Variants in RIN2 observed in about 807,000 individuals in gnomAD.
The protein encoded by RIN2 is RAB5 interacting protein 2.
A neutral mutation model predicts 78.0 loss-of-function variants in RIN2; 36 were observed. That is an observed-to-expected ratio of 0.46 (90% CI 0.35 to 0.61). The LOEUF (loss-of-function observed/expected upper bound fraction) is 0.61. Among genes scored for constraint, RIN2 ranks in the 20% least tolerant of loss-of-function variants. The pLI is 0.00. For synonymous variants in RIN2, 466 were observed against 466.8 expected, an observed-to-expected ratio of 1.00 and a Z score of 0.02; for missense variants, 1,087 against 1,159.7, an observed-to-expected ratio of 0.94 and a Z score of 0.91.
chr20:19,909,936 G>A (rs1427659279), intron 3 of RIN2, among the ~76,000 whole-genome samples: 2 of 152,262 alleles, frequency 1.3e-5, no homozygotes, highest in South Asian at 2.1e-4. Context: ...GCAGGAAAAG[G>A]TGGGGCCCCT....
intron 12 of RIN2, among the ~76,000 whole-genome samples, chr20:19,998,346 C>G (rs2043036569): frequency 6.6e-6 from 1 of 151,934 alleles, no homozygotes; most frequent in African/African-American, 2.4e-5. Flanking sequence ...GCCTGTAATC[C>G]CAGCACCTTA....
intron 2 of RIN2, among the ~76,000 whole-genome samples, chr20:19,860,543 G>A (rs1057257921): frequency 3.3e-5 from 5 of 152,016 alleles, no homozygotes; most frequent in South Asian, 2.1e-4. Flanking sequence ...TACTCGTCTC[G>A]AACTCCTGAC....
chr20:19,988,451 T>A (rs968937563), intron 9 of RIN2, among the ~76,000 whole-genome samples: 2 of 152,192 alleles, frequency 1.3e-5, no homozygotes, highest in African/African-American at 4.8e-5. Context: ...TATATGTAAG[T>A]GGACCCATTG....
At chr20:19,996,541 C>A in intron 11 of RIN2, 138 bp from the exon 12 acceptor site, 1 of 813,650 alleles carries the variant, frequency 1.2e-6, no homozygotes, top group South Asian at 1.7e-5. Flanking sequence ...TGGGTGTGTG[C>A]TTCTGTGATC....
chr20:19,838,068 AGATT>A, intron 2 of RIN2, among the ~76,000 whole-genome samples: 1 of 152,228 alleles, frequency 6.6e-6, no homozygotes, highest in Non-Finnish European at 1.5e-5. Flanking sequence ...AATTATCCTC[AGATT>A]TTAGTTAAAA....
chr20:19,965,605 GT>G (rs778666594), intron 7 of RIN2, among the ~76,000 whole-genome samples: 37 of 152,022 alleles, frequency 2.4e-4, no homozygotes, highest in Non-Finnish European at 5.0e-4. Context: ...TCCAAAATCA[GT>G]TTTTTGTTTT....
intron 3 of RIN2, among the ~76,000 whole-genome samples, chr20:19,922,616 C>G (rs995829810): frequency 6.6e-6 from 1 of 152,116 alleles, no homozygotes; most frequent in African/African-American, 2.4e-5. Context: ...GTAGGAGTAC[C>G]ACGTGCTCCA....
chr20:19,831,966 TAAC>T (rs1356184114), intron 2 of RIN2, among the ~76,000 whole-genome samples: 2 of 152,100 alleles, frequency 1.3e-5, no homozygotes, highest in African/African-American at 4.8e-5. Flanking sequence ...CAATGAATAA[TAAC>T]AATTATAATA....
intron 3 of RIN2, among the ~76,000 whole-genome samples, chr20:19,890,378 TTTCA>T (rs2038393349): frequency 6.6e-6 from 1 of 152,194 alleles, no homozygotes; most frequent in East Asian, 1.9e-4. Flanking sequence ...CTTTGTTTCC[TTTCA>T]TTCACCCTCG....
At chr20:19,968,221 C>T (rs1168806034) in intron 7 of RIN2, among the ~76,000 whole-genome samples, 4 of 152,200 alleles carry the variant, frequency 2.6e-5, no homozygotes, top group Non-Finnish European at 4.4e-5. Context: ...ACACGAGTTA[C>T]GGTGCCTGCT....
chr20:19,771,684 G>T (rs1209530365), intron 1 of RIN2, among the ~76,000 whole-genome samples: 1 of 152,098 alleles, frequency 6.6e-6, no homozygotes, highest in South Asian at 2.1e-4. Flanking sequence ...GTGAAGGAGA[G>T]TTTGGGGAAC....
intron 3 of RIN2, among the ~76,000 whole-genome samples, chr20:19,924,395 CTTCATACCCCACCTCTTCATAACCCTACT>C (rs2040102573): frequency 3.7e-5 from 1 of 27,372 alleles, no homozygotes; most frequent in Non-Finnish European, 5.9e-5. Flanking sequence ...TACCCCACCT[CTTCATACCCCACCTCTTCATAACCCTACT>C]TTCATACCCC....
chr20:19,844,698 CTCTTCTTCTTCTTCT>C (rs869169793), intron 2 of RIN2, among the ~76,000 whole-genome samples: 3,038 of 25,668 alleles, frequency 0.12, 132 homozygotes, highest in Non-Finnish European at 0.14. Flanking sequence ...CTTCCTCTTC[CTCTTCTTCTTCTTCT>C]TCTTCTTCTT....
At chr20:19,851,466 T>TA (rs1292366083) in intron 2 of RIN2, among the ~76,000 whole-genome samples, 1 of 152,138 alleles carries the variant, frequency 6.6e-6, no homozygotes, top group Non-Finnish European at 1.5e-5. Flanking sequence ...CTCAAGCCTG[T>TA]AATCCCAGCA....
At chr20:19,898,722 A>G (rs1214921762) in intron 3 of RIN2, among the ~76,000 whole-genome samples, 1 of 152,244 alleles carries the variant, frequency 6.6e-6, no homozygotes, top group African/African-American at 2.4e-5. Context: ...TTAATACCAC[A>G]TAAGTCAAAC....
chr20:19,776,656 C>T (rs985818738), intron 1 of RIN2, among the ~76,000 whole-genome samples: 5 of 151,626 alleles, frequency 3.3e-5, no homozygotes, highest in Non-Finnish European at 7.4e-5. Flanking sequence ...TGCTTGAACC[C>T]AGGAGGTGGA....
At chr20:19,943,975 CTTTTTTTTTT>C (rs58524523) in intron 4 of RIN2, among the ~76,000 whole-genome samples, 5 of 95,878 alleles carry the variant, frequency 5.2e-5, no homozygotes, top group Non-Finnish European at 7.9e-5. Flanking sequence ...TTTCAATATC[CTTTTTTTTTT>C]TTTTTTTTTT....
At chr20:19,844,595 T>TGCC (rs1377675880) in intron 2 of RIN2, among the ~76,000 whole-genome samples, 1 of 58,404 alleles carries the variant, frequency 1.7e-5, no homozygotes, top group Non-Finnish European at 3.7e-5. Flanking sequence ...CTGCTGCTGC[T>TGCC]TCTTCCTCTT....
At chr20:19,798,975 C>G (rs916584944) in intron 1 of RIN2, among the ~76,000 whole-genome samples, 2 of 151,974 alleles carry the variant, frequency 1.3e-5, no homozygotes, top group African/African-American at 2.4e-5. Flanking sequence ...TCTCTGCTAA[C>G]TGCAACTTCG....
Sources: gnomAD v4.1 joint callset for allele counts (sites outside exome capture counted in the v4.1 genomes callset) on GRCh38, gnomAD v4.1.1 for gene constraint, MANE v1.5 for transcripts, NCBI Gene and HGNC (gene_info 2026-07-23, HGNC 2026-07-21) for gene names.